DNAI4: variants seen among roughly 807,000 people sequenced by gnomAD.
DNAI4 encodes dynein axonemal intermediate chain 4, also known as WD repeat domain 78.
In DNAI4, 85 loss-of-function variants were observed where a neutral mutation model predicts 105.8. The observed-to-expected ratio is 0.80, with a 90% CI of 0.67 to 0.96. The LOEUF (loss-of-function observed/expected upper bound fraction) is 0.96. Among genes scored for constraint, DNAI4 ranks in the 40% least tolerant of loss-of-function variants. The probability of loss-of-function intolerance (pLI) is 0.00; values close to 1 mark genes in which losing one functional copy is unlikely to be tolerated. For missense variants in DNAI4, 1,014 were observed against 1,005.6 expected, an observed-to-expected ratio of 1.01 and a Z score of -0.11; for synonymous variants, 352 against 331.5, an observed-to-expected ratio of 1.06 and a Z score of -0.67.
At position 66,837,860 on chromosome 1, in the gene DNAI4, T is replaced by C. The variant is rs959745398; in HGVS notation, c.1495-64A>G. On this transcript the variant is annotated intron_variant, in intron 9 of 16. Coordinates refer to ENST00000371026, the MANE Select transcript of DNAI4 (RefSeq NM_024763.5). The stretch of plus-strand genomic sequence containing the variant: ...TAGCATTAAAATATTGGTAAATGTA[T>C]AAAGATATATATTAATGAGCTGTGT... 28 of 1,389,618 alleles carry C rather than the reference T, an allele frequency of 2.0e-5. No homozygotes were observed. In the African/African-American group the frequency reaches 3.4e-4, roughly 17 times the overall value. 86.1% of individuals were successfully genotyped at this position (1,389,618 alleles called of 1,614,324 possible). A position where few individuals can be genotyped will look rare whatever the true frequency, so the allele number is the denominator to read the frequency against.
intron 4 of DNAI4, among the ~76,000 whole-genome samples, chr1:66,882,587 T>C (rs774973304): frequency 1.3e-5 from 2 of 152,170 alleles, no homozygotes; most frequent in Admixed American, 6.5e-5. Flanking sequence ...GAATTCTTTC[T>C]TCATTGAATT....
intron 16 of DNAI4, among the ~76,000 whole-genome samples, chr1:66,820,901 A>G (rs1645610793): frequency 6.6e-6 from 1 of 151,868 alleles, no homozygotes. Context: ...CAATCATCTG[A>G]TTTCCCTGGC....
intron 9 of DNAI4, 146 bp from the exon 10 acceptor site, chr1:66,837,942 T>C (rs1646066323): frequency 2.0e-5 from 15 of 754,222 alleles, no homozygotes; most frequent in South Asian, 4.1e-5. Flanking sequence ...ACACCATCTG[T>C]TTTTACTCTA....
intron 8 of DNAI4, among the ~76,000 whole-genome samples, chr1:66,845,930 T>C (rs1646266157): frequency 6.6e-6 from 1 of 152,116 alleles, no homozygotes; most frequent in Non-Finnish European, 1.5e-5. Context: ...AATAGATATG[T>C]CCTCTGTCTT....
chr1:66,880,737 A>G (rs1183294941), intron 4 of DNAI4, among the ~76,000 whole-genome samples: 1 of 152,206 alleles, frequency 6.6e-6, no homozygotes, highest in Non-Finnish European at 1.5e-5. Flanking sequence ...CTGAAATGAA[A>G]TTCAAGCTGG....
At chr1:66,866,354 A>C (rs1646733537) in intron 6 of DNAI4, among the ~76,000 whole-genome samples, 1 of 152,160 alleles carries the variant, frequency 6.6e-6, no homozygotes, top group African/African-American at 2.4e-5. Context: ...CTAGATGCAG[A>C]AAAGAATTCA....
Position 66,890,542 on chromosome 1 carries a change from T to C in DNAI4, c.643+612A>G, listed in dbSNP as rs141511057. ...TGAACCCAGGAGGCGGAGGTTGCAG[T>C]GAGCTGAGATTGTGCCACTGCACGC... On this transcript the variant is annotated intron_variant, in intron 4 of 16. Transcript: ENST00000371026. The surrounding 1 kb of genome is among the most constrained non-coding windows in gnomAD (Gnocchi z 4.1). The C allele has an allele frequency of 0.02, 3,112 of 154,272 alleles. 50 individuals carry two copies. The highest frequency in any genetic ancestry group is 0.028 in the Non-Finnish European group (1,960 of 69,956). 9.6% of individuals were successfully genotyped at this position (154,272 alleles called of 1,614,324 possible). A position where few individuals can be genotyped will look rare whatever the true frequency, so the allele number is the denominator to read the frequency against.
intron 7 of DNAI4, among the ~76,000 whole-genome samples, chr1:66,849,410 T>G (rs948606038): frequency 1.3e-5 from 2 of 152,192 alleles, no homozygotes; most frequent in Non-Finnish European, 2.9e-5. Context: ...GACTCCCACT[T>G]TCCCCTGCCA....
In DNAI4 at chr1:66,890,866, GGAAGAA is replaced by G. The variant is rs56842115; in HGVS notation, c.643+282_643+287del. 3.8e-5 allele frequency: 16 copies of G among 419,988 alleles called. No homozygotes were observed. The highest frequency in any genetic ancestry group is 5.6e-5 in the Non-Finnish European group (13 of 232,404). 26.0% of individuals were successfully genotyped at this position (419,988 alleles called of 1,614,324 possible). On this transcript the variant is annotated intron_variant, in intron 4 of 16. Coordinates refer to ENST00000371026, the MANE Select transcript of DNAI4 (RefSeq NM_024763.5). This position sits in a 1 kb window ranked among gnomAD's most constrained non-coding sequence, Gnocchi z 4.1. ...AGGAAGAGGAAGAAGAAGAGGAAGA[GGAAGAA>G]GAAGAAGAAGAAGCAGAAGCAGCAG... is the stretch of plus-strand genomic sequence containing the variant.
At chr1:66,922,766 A>C (rs1650592491) in intron 1 of DNAI4, among the ~76,000 whole-genome samples, 1 of 152,252 alleles carries the variant, frequency 6.6e-6, no homozygotes, top group Non-Finnish European at 1.5e-5. Flanking sequence ...TTTGCCATTT[A>C]CTAAAATGAG....
chr1:66,870,442 C>CAAA (rs570013620), intron 6 of DNAI4, among the ~76,000 whole-genome samples: 5 of 88,822 alleles, frequency 5.6e-5, no homozygotes, highest in African/African-American at 1.5e-4. Context: ...AACTGTGCCT[C>CAAA]AAAAAAAAAA....
At chr1:66,887,035 T>TATCCTCAGCTCAGATCTTTAGCTCAG (rs1396571996) in intron 4 of DNAI4, among the ~76,000 whole-genome samples, 143 of 152,084 alleles carry the variant, frequency 9.4e-4, no homozygotes, top group African/African-American at 3.3e-3. Context: ...GCCACTAGCT[T>TATCCTCAGCTCAGATCTTTAGCTCAG]ATCCTCAGCT....
At chr1:66,849,806 A>G (rs1044689079) in intron 7 of DNAI4, among the ~76,000 whole-genome samples, 1 of 152,170 alleles carries the variant, frequency 6.6e-6, no homozygotes, top group Non-Finnish European at 1.5e-5. Context: ...TGGGCTCAAC[A>G]GCAGAATGGA....
intron 11 of DNAI4, among the ~76,000 whole-genome samples, chr1:66,834,437 C>G (rs1645938501): frequency 1.3e-5 from 2 of 152,000 alleles, no homozygotes; most frequent in African/African-American, 4.8e-5. Flanking sequence ...AATGTTCTTT[C>G]TTTTCAGAAT....
rs1449234828 is a variant in DNAI4 at position 66,840,524 on chromosome 1, C to A, written c.1439G>T (p.Cys480Phe). Reference sequence around the variant, plus strand: ...CACATTGAGGCCTTTGGTTAAGTCACAGGAAAAAGACCAAAGTCGTTCCAA... The same window carrying A: ...CACATTGAGGCCTTTGGTTAAGTCAAAGGAAAAAGACCAAAGTCGTTCCAA... Reference protein sequence around the residue: ...ANLERLWSFSCDLTKGLNVSS... With the variant: ...ANLERLWSFSFDLTKGLNVSS... Residue 480 changes from cysteine (C) to phenylalanine (F), a missense_variant, in exon 9 of 17, where the codon TGT (cysteine) becomes TTT (phenylalanine). By Grantham distance (205) the Cys-to-Phe change is radical (BLOSUM62 -2). Coordinates refer to ENST00000371026, the MANE Select transcript of DNAI4 (RefSeq NM_024763.5). 6.2e-7 allele frequency: 1 copy of A among 1,614,074 alleles called. No individual in the cohort carries two copies. Among genetic ancestry groups the A allele is most frequent in the East Asian group, 2.2e-5 (1 of 44,902 alleles).
At position 66,839,661 on chromosome 1, in the gene DNAI4, C is replaced by T. The variant is rs1282923884; in HGVS notation, c.1494+808G>A. ...AATATCTTCAGAACCAGTTTATAAA[C>T]CCCAGAAGAAAATTAGTCTAATTAC... On this transcript the variant is annotated intron_variant, in intron 9 of 16. Transcript: ENST00000371026. 5.9e-5 allele frequency among the ~76,000 whole-genome samples: 9 copies of T among 152,110 alleles called. No homozygotes were observed. The East Asian group carries it at 1.7e-3, about 29-fold the overall frequency.
chr1:66,911,258 G>A (rs1649638536), intron 1 of DNAI4, among the ~76,000 whole-genome samples: 1 of 152,186 alleles, frequency 6.6e-6, no homozygotes, highest in Admixed American at 6.5e-5. Context: ...CAGATTAAAA[G>A]ATGCATACGG....
intron 7 of DNAI4, among the ~76,000 whole-genome samples, chr1:66,858,802 T>A (rs1254417531): frequency 2.0e-5 from 3 of 152,142 alleles, no homozygotes; most frequent in Non-Finnish European, 4.4e-5. Context: ...GAAGGGGAAC[T>A]TCCTGAACTT....
chr1:66,895,388 A>G (rs888801786), intron 2 of DNAI4, among the ~76,000 whole-genome samples: 1 of 152,210 alleles, frequency 6.6e-6, no homozygotes, highest in Non-Finnish European at 1.5e-5. Context: ...GGACTGCTTA[A>G]GCCCAGGAGT....
Sources: allele counts gnomAD v4.1 joint callset (sites outside exome capture counted in the v4.1 genomes callset), GRCh38; gene constraint gnomAD v4.1.1; non-coding constraint Gnocchi (gnomAD v3.1); transcripts MANE v1.5; gene names NCBI Gene and HGNC (gene_info 2026-07-23, HGNC 2026-07-21).